Variants in PPM1H observed in about 807,000 individuals in gnomAD.
The protein encoded by PPM1H is protein phosphatase 1H.
In PPM1H, 27 loss-of-function variants were observed where a neutral mutation model predicts 54.9. That is an observed-to-expected ratio of 0.49 (90% CI 0.36 to 0.68). PPM1H has a LOEUF of 0.68. Among genes scored for constraint, PPM1H ranks in the 30% least tolerant of loss-of-function variants. The probability of loss-of-function intolerance (pLI) is 0.00; values close to 1 mark genes in which losing one functional copy is unlikely to be tolerated. For synonymous variants in PPM1H, 305 were observed against 270.8 expected (o/e 1.13, Z -1.24); for missense variants, 596 against 667.8 (o/e 0.89, Z 1.19).
chr12:62,771,327 C>A (rs1305678590), intron 4 of PPM1H, among the ~76,000 whole-genome samples: 1 of 151,840 alleles, frequency 6.6e-6, no homozygotes, highest in Admixed American at 6.6e-5. Context: ...CACACACACA[C>A]ACACACACAC....
At chr12:62,772,181 T>C (rs1192599413) in intron 4 of PPM1H, among the ~76,000 whole-genome samples, 1 of 152,228 alleles carries the variant, frequency 6.6e-6, no homozygotes, top group African/African-American at 2.4e-5. Context: ...ATGTGCCAGG[T>C]ACCACACTGA....
intron 1 of PPM1H, among the ~76,000 whole-genome samples, chr12:62,872,717 A>G (rs1870028834): frequency 1.3e-5 from 2 of 152,212 alleles, no homozygotes; most frequent in African/African-American, 4.8e-5. Context: ...CCTTAGACCA[A>G]TCAGGATGTG....
At chr12:62,739,973 C>G (rs1046518905) in intron 4 of PPM1H, among the ~76,000 whole-genome samples, 1 of 152,176 alleles carries the variant, frequency 6.6e-6, no homozygotes, top group Non-Finnish European at 1.5e-5. Flanking sequence ...GGGGTTCTCC[C>G]AATGTCAGTT....
At chr12:62,826,887 A>G (rs193093273) in intron 2 of PPM1H, among the ~76,000 whole-genome samples, 1 of 152,262 alleles carries the variant, frequency 6.6e-6, no homozygotes, top group Admixed American at 6.5e-5. Context: ...TTATAACATT[A>G]TATGTCCACT....
chr12:62,777,873 A>T (rs1184860463), intron 4 of PPM1H, among the ~76,000 whole-genome samples: 1 of 152,228 alleles, frequency 6.6e-6, no homozygotes, highest in Non-Finnish European at 1.5e-5. Context: ...GCTTTCTATG[A>T]TGAACTTTCC....
At chr12:62,923,213 A>G (rs1871857899) in intron 1 of PPM1H, among the ~76,000 whole-genome samples, 1 of 152,228 alleles carries the variant, frequency 6.6e-6, no homozygotes, top group Admixed American at 6.5e-5. Context: ...ACTGCACTAA[A>G]GGAAAAACAA....
chr12:62,915,599 T>C (rs1871597201), intron 1 of PPM1H, among the ~76,000 whole-genome samples: 1 of 152,214 alleles, frequency 6.6e-6, no homozygotes, highest in Admixed American at 6.5e-5. Context: ...CCTTCAATCC[T>C]GGATACATTG....
At chr12:62,802,727 G>A (rs2076778664) in intron 2 of PPM1H, among the ~76,000 whole-genome samples, 2 of 152,010 alleles carry the variant, frequency 1.3e-5, no homozygotes, top group African/African-American at 4.8e-5. Context: ...CTACAGGCGC[G>A]TGCCACCACA....
At chr12:62,811,473 G>T (rs973142027) in intron 2 of PPM1H, among the ~76,000 whole-genome samples, 26 of 152,162 alleles carry the variant, frequency 1.7e-4, no homozygotes, top group African/African-American at 5.1e-4. Context: ...TGCAACTCCT[G>T]TTGCTTCTGT....
chr12:62,846,691 CT>C (rs1868984047), intron 1 of PPM1H, among the ~76,000 whole-genome samples: 2 of 151,976 alleles, frequency 1.3e-5, no homozygotes, highest in Admixed American at 1.3e-4. Flanking sequence ...TCTCACATGC[CT>C]TTTCCACCCC....
intron 1 of PPM1H, among the ~76,000 whole-genome samples, chr12:62,923,814 G>C (rs567934337): frequency 1.3e-5 from 2 of 152,320 alleles, no homozygotes; most frequent in African/African-American, 2.4e-5. Flanking sequence ...CAAGACACTT[G>C]GTTCCTGGCC....
At chr12:62,740,784 AT>A (rs2076377284) in intron 4 of PPM1H, among the ~76,000 whole-genome samples, 1 of 152,214 alleles carries the variant, frequency 6.6e-6, no homozygotes, top group Non-Finnish European at 1.5e-5. Flanking sequence ...AAAATGCAGA[AT>A]TTCAAGACAG....
intron 9 of PPM1H, chr12:62,659,267 T>C: frequency 3.0e-5 from 1 of 32,874 alleles, no homozygotes. Context: ...CCGTAAAAAC[T>C]GCAAAAAAAA....
chr12:62,799,122 G>A (rs1324457032), intron 3 of PPM1H, among the ~76,000 whole-genome samples: 1 of 152,124 alleles, frequency 6.6e-6, no homozygotes, highest in Non-Finnish European at 1.5e-5. Context: ...GTTTTTGCTG[G>A]TGACTAAGTT....
Position 62,648,379 on chromosome 12 carries a change from G to T in PPM1H, c.*110C>A. 7.2e-7 allele frequency: 1 copy of T among 1,383,214 alleles called. No homozygotes were observed. Among genetic ancestry groups the T allele is most frequent in the Non-Finnish European group, 1.0e-6 (1 of 1,002,678 alleles). 85.7% of individuals were successfully genotyped at this position (1,383,214 alleles called of 1,614,324 possible). On this transcript the variant is annotated 3_prime_UTR_variant, in exon 10 of 10. Transcript: ENST00000228705. ...TGGCCATGAACTCCCCGCTTGGGCT[G>T]GGAAGAGACTGCATCACTTGGAACT...
chr12:62,698,860 G>A (rs1403334934), intron 6 of PPM1H, among the ~76,000 whole-genome samples: 1 of 152,136 alleles, frequency 6.6e-6, no homozygotes, highest in African/African-American at 2.4e-5. Flanking sequence ...CCTGAAGGGA[G>A]GACTCCATTG....
chr12:62,793,774 A>T (rs1393976174), intron 3 of PPM1H, among the ~76,000 whole-genome samples: 1 of 149,414 alleles, frequency 6.7e-6, no homozygotes, highest in Non-Finnish European at 1.5e-5. Context: ...GCAAACAGAG[A>T]TGTGTGTGCA....
chr12:62,789,152 C>T (rs2076690149), intron 3 of PPM1H, among the ~76,000 whole-genome samples: 1 of 152,102 alleles, frequency 6.6e-6, no homozygotes, highest in Admixed American at 6.5e-5. Context: ...GCTGGGACTA[C>T]AGGTCTGTGC....
chr12:62,711,697 A>C (rs550579747), intron 6 of PPM1H, among the ~76,000 whole-genome samples: 1 of 152,344 alleles, frequency 6.6e-6, no homozygotes, highest in South Asian at 2.1e-4. Context: ...TGAGGGGGGA[A>C]GAAAGGCTTG....
Sources: gnomAD v4.1 joint callset for allele counts (sites outside exome capture counted in the v4.1 genomes callset) on GRCh38, gnomAD v4.1.1 for gene constraint, MANE v1.5 for transcripts, NCBI Gene and HGNC (gene_info 2026-07-23, HGNC 2026-07-21) for gene names.